The following IL4R variants were observed in gnomAD, a reference collection of about 807,000 sequenced individuals.
IL4R encodes the protein interleukin-4 receptor subunit alpha.
A neutral mutation model predicts 41.5 loss-of-function variants in IL4R; 17 were observed. That is an observed-to-expected ratio of 0.41 (90% CI 0.28 to 0.61). The LOEUF (loss-of-function observed/expected upper bound fraction) is 0.61. Among genes scored for constraint, IL4R ranks in the 20% least tolerant of loss-of-function variants. The probability of loss-of-function intolerance (pLI) is 0.31; values close to 1 mark genes in which losing one functional copy is unlikely to be tolerated. For synonymous variants in IL4R, 402 were observed against 422.9 expected (o/e 0.95, Z 0.61); for missense variants, 974 against 1,043.1 (o/e 0.93, Z 0.91).
In IL4R at chr16:27,355,840, C is replaced by T. The variant is rs1363078955; in HGVS notation, c.703C>T (p.Leu235=). 1 of 1,613,524 alleles carries T rather than the reference C, an allele frequency of 6.2e-7. No homozygotes were observed. Among genetic ancestry groups the T allele is most frequent in the African/African-American group, 1.3e-5 (1 of 74,934 alleles). Residue 235 remains leucine, a synonymous_variant, in exon 8 of 11, where the codon CTG becomes TTG. Transcript: ENST00000395762. ...YREPFEQHLL[L]GVSVSCIVIL... Reference sequence around the variant, plus strand: ...GGAGCCCTTCGAGCAGCACCTCCTGCTGGGCGTCAGCGTTTCCTGCATTGT... The same window carrying T: ...GGAGCCCTTCGAGCAGCACCTCCTGTTGGGCGTCAGCGTTTCCTGCATTGT...
chr16:27,325,668 C>T (rs1333055607), intron 1 of IL4R, among the ~76,000 whole-genome samples: 1 of 151,978 alleles, frequency 6.6e-6, no homozygotes, highest in Non-Finnish European at 1.5e-5. Context: ...CAGTGTCTGG[C>T]ACCAAGGAAA....
Position 27,363,167 on chromosome 16 carries a change from C to T in IL4R, c.1815C>T (p.Ala605=), listed in dbSNP as rs759272954. 1.1e-5 allele frequency: 17 copies of T among 1,611,996 alleles called. No individual in the cohort carries two copies. The highest frequency in any genetic ancestry group is 1.2e-5 in the Non-Finnish European group (14 of 1,178,850). ...CCCCAGGAGAGGCTGGTTACAAGGC[C>T]TTCTCAAGCCTGCTTGCCAGCAGTG... ...LGPPGEAGYK[A]FSSLLASSAV... Residue 605 remains alanine, a synonymous_variant, in exon 11 of 11, where the codon GCC becomes GCT. Coordinates refer to ENST00000395762, the MANE Select transcript of IL4R (RefSeq NM_000418.4).
At chr16:27,352,466 C>T (rs535015802) in intron 6 of IL4R, 74 bp from the exon 7 acceptor site, 22 of 1,338,574 alleles carry the variant, frequency 1.6e-5, no homozygotes, top group East Asian at 1.2e-4. Flanking sequence ...GGTCAGCTAA[C>T]GACAGCAACC....
intron 10 of IL4R, chr16:27,361,078 C>G (rs1367330982): frequency 7.3e-7 from 1 of 1,362,756 alleles, no homozygotes; most frequent in Non-Finnish European, 9.5e-7. Context: ...GCAGCCGTGC[C>G]TGTTGTTAAA....
Position 27,352,697 on chromosome 16 carries a change from G to T in IL4R, c.670+1G>T. 1 of 1,614,030 alleles carries T rather than the reference G, an allele frequency of 6.2e-7. No individual in the cohort carries two copies. On this transcript the variant is annotated splice_donor_variant, in intron 7 of 10. Transcript: ENST00000395762. LOFTEE classifies it high-confidence loss of function. ...AGCCCCAGCACCAAGTGGCACAACT[G>T]TGAGTATCAAGAGGCCTAAGCAATG...
At chr16:27,326,008 A>C (rs1045978583) in intron 1 of IL4R, among the ~76,000 whole-genome samples, 2 of 152,130 alleles carry the variant, frequency 1.3e-5, no homozygotes, top group African/African-American at 4.8e-5. Context: ...CCATCCTGTC[A>C]GCAAATCCTG....
At chr16:27,337,862 C>G (rs1445647327) in intron 2 of IL4R, among the ~76,000 whole-genome samples, 2 of 151,408 alleles carry the variant, frequency 1.3e-5, no homozygotes, top group Non-Finnish European at 2.9e-5. Context: ...CCAGTACACA[C>G]TTTTTGGAGG....
In IL4R at chr16:27,358,083, G is replaced by A. The variant is rs189092464; in HGVS notation, c.771-833G>A. ...TAAGTTTTGCATTTTTAGTAGAGACGGTGTTTCACCATATTGGCCAGGCTG... is the reference window on the plus strand; with the variant it reads ...TAAGTTTTGCATTTTTAGTAGAGACAGTGTTTCACCATATTGGCCAGGCTG... On this transcript the variant is annotated intron_variant, in intron 8 of 10. Transcript: ENST00000395762. Among the ~76,000 whole-genome samples the A allele has an allele frequency of 1.3e-3, 204 of 151,954 alleles. 1 individual carries two copies. The highest frequency in any genetic ancestry group is 4.6e-3 in the African/African-American group (191 of 41,396).
intron 6 of IL4R, among the ~76,000 whole-genome samples, chr16:27,350,559 C>T (rs777131437): frequency 7.9e-5 from 12 of 151,966 alleles, no homozygotes; most frequent in Non-Finnish European, 1.6e-4. Flanking sequence ...AAGAAACTGC[C>T]GGGGGCTGAG....
At chr16:27,337,132 A>G (rs1182934927) in intron 2 of IL4R, among the ~76,000 whole-genome samples, 1 of 151,896 alleles carries the variant, frequency 6.6e-6, no homozygotes. Flanking sequence ...AAAAAGAAGA[A>G]GTGTAGGTGG....
At chr16:27,314,320 G>A in intron 1 of IL4R, 1 of 162,542 alleles carries the variant, frequency 6.2e-6, no homozygotes, top group Non-Finnish European at 1.3e-5. Flanking sequence ...CTTGGGGTTA[G>A]GCTGTCGGAG....
Position 27,363,569 on chromosome 16 carries a change from G to T in IL4R, c.2217G>T (p.Met739Ile). The T allele has an allele frequency of 6.2e-7, 1 of 1,614,152 alleles. No homozygotes were observed. Among genetic ancestry groups the T allele is most frequent in the Non-Finnish European group, 8.5e-7 (1 of 1,180,008 alleles). The change falls in exon 11 of 11, where the codon ATG becomes ATT. Residue 739 changes from methionine to isoleucine, a missense_variant. Around this residue, in one of 3 missense-constraint regions of IL4R, gnomAD observed 682 missense variants for 704.3 expected, o/e 0.97. Coordinates refer to ENST00000395762, the MANE Select transcript of IL4R (RefSeq NM_000418.4). Reference sequence around the variant, plus strand: ...AGGATGGTGGCCAGACCCCTGTCATGGCCAGTCCTTGCTGTGGCTGCTGCT... The same window carrying T: ...AGGATGGTGGCCAGACCCCTGTCATTGCCAGTCCTTGCTGTGGCTGCTGCT... ...GQEDGGQTPV[M>I]ASPCCGCCCG...
chr16:27,318,463 C>T (rs1215959797), intron 1 of IL4R, among the ~76,000 whole-genome samples: 1 of 152,054 alleles, frequency 6.6e-6, no homozygotes, highest in Non-Finnish European at 1.5e-5. Flanking sequence ...GAAGAGAGGG[C>T]CAGGTGGAGG....
chr16:27,343,814 T>C (rs2085522432), intron 4 of IL4R, among the ~76,000 whole-genome samples: 1 of 152,168 alleles, frequency 6.6e-6, no homozygotes, highest in Non-Finnish European at 1.5e-5. Flanking sequence ...AAATAATGTG[T>C]ACACATGGGC....
chr16:27,362,198 ATAGGAGTTTTT>A, intron 10 of IL4R, 43 bp from the exon 11 acceptor site: 2 of 1,570,908 alleles, frequency 1.3e-6, no homozygotes, highest in Non-Finnish European at 1.7e-6. Flanking sequence ...TGAAGAATGA[ATAGGAGTTTTT>A]CAAGTGTCGA....
At chr16:27,354,749 A>G (rs1596529399) in intron 7 of IL4R, among the ~76,000 whole-genome samples, 2 of 152,372 alleles carry the variant, frequency 1.3e-5, no homozygotes, top group Middle Eastern at 6.8e-3. Context: ...TGGTAGGTGC[A>G]GTGGCAGCTG....
chr16:27,345,831 G>T lies in IL4R; in HGVS notation c.362-636G>T, dbSNP rs992944498. 6.6e-6 allele frequency among the ~76,000 whole-genome samples: 1 copy of T among 152,072 alleles called. No individual in the cohort carries two copies. The highest frequency in any genetic ancestry group is 1.5e-5 in the Non-Finnish European group (1 of 68,020). On this transcript the variant is annotated intron_variant, in intron 5 of 10. Coordinates refer to ENST00000395762, the MANE Select transcript of IL4R (RefSeq NM_000418.4). This position sits in a 1 kb window ranked among gnomAD's most constrained non-coding sequence, Gnocchi z 4.5. ...ACTAAAAATACAAAAAATTAGTCTG[G>T]CATGGTGGCAGGCGCCTGTAATCCC...
At chr16:27,358,779 C>T (rs2086182688) in intron 8 of IL4R, 137 bp from the exon 9 acceptor site, 1 of 652,294 alleles carries the variant, frequency 1.5e-6, no homozygotes, top group Admixed American at 2.1e-5. Context: ...AATGATGAGT[C>T]AGTGGTTTGA....
chr16:27,358,769 AATG>A, intron 8 of IL4R, 144 bp from the exon 9 acceptor site: 1 of 631,758 alleles, frequency 1.6e-6, no homozygotes, highest in Non-Finnish European at 2.9e-6. Flanking sequence ...ACCAGGTTAG[AATG>A]ATGAGTCAGT....
Sources: gnomAD v4.1 joint callset for allele counts (sites outside exome capture counted in the v4.1 genomes callset) on GRCh38, gnomAD v4.1.1 for gene constraint, gnomAD v4.1.1 regional missense constraint, Gnocchi (gnomAD v3.1) non-coding constraint, MANE v1.5 for transcripts, NCBI Gene and HGNC (gene_info 2026-07-23, HGNC 2026-07-21) for gene names.